Variants in SACM1L observed in about 807,000 individuals in gnomAD.
SACM1L encodes the protein SAC1 like phosphatidylinositide phosphatase.
Under a neutral mutation model 89.5 loss-of-function variants are expected in SACM1L, and 32 were observed. That is an observed-to-expected ratio of 0.36 (90% CI 0.27 to 0.48). The LOEUF (loss-of-function observed/expected upper bound fraction) is 0.48, where lower values mean the gene tolerates loss of function less well. Ranked by LOEUF, SACM1L falls within the 20% of genes least tolerant of loss-of-function variation. SACM1L has a pLI of 0.99. For missense variants in SACM1L, 543 were observed against 708.5 expected, an observed-to-expected ratio of 0.77 and a Z score of 2.65; for synonymous variants, 213 against 232.8, an observed-to-expected ratio of 0.92 and a Z score of 0.77.
chr3:45,698,451 C>T (rs1575384388), intron 1 of SACM1L, among the ~76,000 whole-genome samples: 1 of 152,230 alleles, frequency 6.6e-6, no homozygotes, highest in Non-Finnish European at 1.5e-5. Context: ...TAGATTCCAA[C>T]AGCATCTCTC....
intron 7 of SACM1L, among the ~76,000 whole-genome samples, chr3:45,717,632 A>T (rs762102667): frequency 5.9e-5 from 9 of 152,274 alleles, no homozygotes; most frequent in Non-Finnish European, 1.2e-4. Context: ...AGTGTTACAT[A>T]TAGAAAATAC....
chr3:45,707,108 A>G (rs1365279382), intron 4 of SACM1L: 6 of 384,036 alleles, frequency 1.6e-5, no homozygotes, highest in African/African-American at 2.2e-5. Context: ...TTTTTTTTTT[A>G]AAGATTCAGT....
At chr3:45,705,044 A>G (rs1386337752) in intron 2 of SACM1L, 91 bp from the exon 3 acceptor site, 5 of 758,478 alleles carry the variant, frequency 6.6e-6, no homozygotes, top group Non-Finnish European at 1.1e-5. Context: ...AAATTGATGT[A>G]GTCAAAGTAA....
At position 45,731,547 on chromosome 3, in the gene SACM1L, G is replaced by A. The variant is rs148140927; in HGVS notation, c.1001+167G>A. 2.6e-3 allele frequency among the ~76,000 whole-genome samples: 401 copies of A among 152,280 alleles called. 12 individuals are homozygous for A. In the East Asian group the frequency reaches 0.047, roughly 18 times the overall value. On this transcript the variant is annotated intron_variant, in intron 12 of 19. Coordinates refer to ENST00000389061, the MANE Select transcript of SACM1L (RefSeq NM_014016.5). ...TTGAAATTTCTCTAGCATAATTTATGTTGCAGAATAACTTCTTTTCAGTCA... is the reference window on the plus strand; with the variant it reads ...TTGAAATTTCTCTAGCATAATTTATATTGCAGAATAACTTCTTTTCAGTCA...
At chr3:45,689,716 C>T (rs1697922186) in intron 1 of SACM1L, 2 of 619,492 alleles carry the variant, frequency 3.2e-6, no homozygotes, top group South Asian at 2.0e-5. Context: ...CCGTGCTCGG[C>T]CCCAGCGCCC....
intron 6 of SACM1L, 175 bp downstream of exon 6, chr3:45,713,371 A>C: frequency 4.1e-6 from 2 of 488,338 alleles, no homozygotes; most frequent in East Asian, 6.8e-5. Context: ...AGGTTGAAGA[A>C]GCCTAACTAT....
At position 45,722,072 on chromosome 3, in the gene SACM1L, C is replaced by A; in HGVS notation, c.752C>A (p.Ala251Asp). The change falls in exon 9 of 20, where the codon GCT (alanine) becomes GAT (aspartate). Residue 251 changes from alanine (A) to aspartate (D), a missense_variant. Physicochemically the swap from Ala to Asp is moderately radical, Grantham distance 126. Coordinates refer to ENST00000389061, the MANE Select transcript of SACM1L (RefSeq NM_014016.5). ...EQIVHYNGSK[A>D]SFVQTRGSIP... ...ATTGTGCACTACAATGGGAGCAAAG[C>A]TTCGTTTGTACAGGCAAGTTGTTAT... 1 of 1,609,714 alleles carries A rather than the reference C, an allele frequency of 6.2e-7. No individual in the cohort carries two copies. The highest frequency in any genetic ancestry group is 8.5e-7 in the Non-Finnish European group (1 of 1,177,314).
chr3:45,723,544 G>GTATGTTTCT lies in SACM1L; in HGVS notation c.921+12_921+20dup. 2 of 1,436,688 alleles carry GTATGTTTCT rather than the reference G, an allele frequency of 1.4e-6. No individual in the cohort carries two copies. Among genetic ancestry groups the GTATGTTTCT allele is most frequent in the Non-Finnish European group, 1.9e-6 (2 of 1,067,054 alleles). 89.0% of individuals were successfully genotyped at this position (1,436,688 alleles called of 1,614,324 possible). The stretch of plus-strand genomic sequence containing the variant: ...TGGAAAACAAGTTATAATCAATCTG[G>GTATGTTTCT]TATGTTTCTTATGTTTCTTGGGGGG... On this transcript the variant is annotated splice_donor_variant, in intron 11 of 19. Coordinates refer to ENST00000389061, the MANE Select transcript of SACM1L (RefSeq NM_014016.5). LOFTEE classifies it high-confidence loss of function.
In SACM1L at chr3:45,738,654, TC is replaced by T; in HGVS notation, c.1461del (p.Asp488MetfsTer8). On this transcript the variant is annotated frameshift_variant, in exon 17 of 20. Coordinates refer to ENST00000389061, the MANE Select transcript of SACM1L (RefSeq NM_014016.5). LOFTEE classifies it high-confidence loss of function. ...SMIRYYKNNFSDGFRQDSIDL... is the reference protein window; with the variant it reads ...SMIRYYKNNFXDGFRQDSIDL... Reference sequence around the variant, plus strand: ...GATACGATATTATAAGAACAACTTTTCCGATGGATTTAGACAAGTAAGTTTG... The same window carrying T: ...GATACGATATTATAAGAACAACTTTTCGATGGATTTAGACAAGTAAGTTTG... 6.2e-7 allele frequency: 1 copy of T among 1,609,934 alleles called. No homozygotes were observed. The highest frequency in any genetic ancestry group is 8.5e-7 in the Non-Finnish European group (1 of 1,176,308).
At chr3:45,710,950 C>G (rs536939836) in intron 5 of SACM1L, among the ~76,000 whole-genome samples, 1 of 152,092 alleles carries the variant, frequency 6.6e-6, no homozygotes, top group Non-Finnish European at 1.5e-5. Flanking sequence ...ATCTCTACAA[C>G]GTCAGCCATG....
chr3:45,720,100 C>G (rs990190170), intron 8 of SACM1L, among the ~76,000 whole-genome samples: 4 of 152,112 alleles, frequency 2.6e-5, no homozygotes, highest in Non-Finnish European at 5.9e-5. Context: ...AAAGAAGTTT[C>G]TCCAACCTTT....
In SACM1L at chr3:45,733,414, C is replaced by T. The variant is rs756900474; in HGVS notation, c.1100+1263C>T. Among the ~76,000 whole-genome samples, 7 of 152,250 alleles carry T rather than the reference C, an allele frequency of 4.6e-5. No individual in the cohort carries two copies. The South Asian group carries it at 1.5e-3, about 32-fold the overall frequency. ...TTTGTAAAGTGAAGATGATAACTTA[C>T]TGTATAGTTTAAGCGATAATGTTTA... On this transcript the variant is annotated intron_variant, in intron 13 of 19. Coordinates refer to ENST00000389061, the MANE Select transcript of SACM1L (RefSeq NM_014016.5).
intron 8 of SACM1L, among the ~76,000 whole-genome samples, 191 bp from the exon 9 acceptor site, chr3:45,721,809 G>A (rs565525299): frequency 2.8e-4 from 43 of 152,220 alleles, no homozygotes; most frequent in African/African-American, 9.6e-4. Flanking sequence ...CTTTAAGCCT[G>A]TTTAAAGTGA....
chr3:45,702,277 T>G (rs547988202), intron 1 of SACM1L, among the ~76,000 whole-genome samples: 2 of 152,332 alleles, frequency 1.3e-5, no homozygotes, highest in South Asian at 4.1e-4. Context: ...GCCAAATAGC[T>G]TATACACAAT....
chr3:45,713,945 C>A, intron 6 of SACM1L, 101 bp from the exon 7 acceptor site: 1 of 550,832 alleles, frequency 1.8e-6, no homozygotes, highest in Non-Finnish European at 3.0e-6. Context: ...AGTTTACTAC[C>A]TTGTTATGTT....
At chr3:45,702,657 T>A (rs945625154) in intron 1 of SACM1L, among the ~76,000 whole-genome samples, 1 of 152,328 alleles carries the variant, frequency 6.6e-6, no homozygotes, top group Admixed American at 6.5e-5. Flanking sequence ...ATTTTGTATA[T>A]CCTGAGTCAG....
chr3:45,715,312 C>A (rs560117821), intron 7 of SACM1L, among the ~76,000 whole-genome samples: 1 of 152,242 alleles, frequency 6.6e-6, no homozygotes, highest in East Asian at 1.9e-4. Flanking sequence ...AATATAATTT[C>A]ACTAAACTTA....
chr3:45,715,459 T>C (rs1276560822), intron 7 of SACM1L, among the ~76,000 whole-genome samples: 1 of 152,178 alleles, frequency 6.6e-6, no homozygotes, highest in African/African-American at 2.4e-5. Context: ...TTCCAAGTTC[T>C]CCTAAGGATA....
At chr3:45,731,753 T>TA (rs1162128572) in intron 12 of SACM1L, among the ~76,000 whole-genome samples, 1 of 152,188 alleles carries the variant, frequency 6.6e-6, no homozygotes, top group African/African-American at 2.4e-5. Context: ...GTTTCTCCTC[T>TA]ACTCCTCCTG....
Sources: allele counts gnomAD v4.1 joint callset (sites outside exome capture counted in the v4.1 genomes callset), GRCh38; gene constraint gnomAD v4.1.1; transcripts MANE v1.5; gene names NCBI Gene and HGNC (gene_info 2026-07-23, HGNC 2026-07-21).